Variants in FOCAD observed in about 807,000 individuals in gnomAD.
The protein encoded by FOCAD is KIAA1797.
Under a neutral mutation model 225.6 loss-of-function variants are expected in FOCAD, and 198 were observed. The ratio of observed to expected loss-of-function variants is 0.88; its 90% CI spans 0.78 to 0.99. The LOEUF (loss-of-function observed/expected upper bound fraction) is 0.99. FOCAD is among the 50% of genes least tolerant of loss of function. The pLI, the probability that FOCAD is intolerant of heterozygous loss-of-function variation, is 0.00. For missense variants in FOCAD, 2,713 were observed against 2,123.6 expected (o/e 1.28, Z -5.46); for synonymous variants, 897 against 755.0 (o/e 1.19, Z -3.08).
intron 19 of FOCAD, among the ~76,000 whole-genome samples, chr9:20,877,185 G>T (rs1243649676): frequency 6.6e-6 from 1 of 152,054 alleles, no homozygotes; most frequent in Non-Finnish European, 1.5e-5. Flanking sequence ...AAACTTAAGG[G>T]ATTAGCTATT....
chr9:20,697,266 C>CT (rs1823454799), intron 1 of FOCAD, among the ~76,000 whole-genome samples: 1 of 152,174 alleles, frequency 6.6e-6, no homozygotes, highest in Non-Finnish European at 1.5e-5. Flanking sequence ...GTCTCTTTTT[C>CT]TTTTTTTCTA....
chr9:20,799,640 G>C (rs1223428617), intron 11 of FOCAD, among the ~76,000 whole-genome samples: 1 of 151,648 alleles, frequency 6.6e-6, no homozygotes, highest in African/African-American at 2.4e-5. Flanking sequence ...TTGGTTTAAA[G>C]TCTGTTTTAT....
chr9:20,983,344 C>A (rs796691726), intron 39 of FOCAD, among the ~76,000 whole-genome samples: 2 of 151,978 alleles, frequency 1.3e-5, no homozygotes, highest in Non-Finnish European at 2.9e-5. Flanking sequence ...GAGGCCGAGG[C>A]GGGTGGATCA....
At chr9:20,732,366 G>T (rs2131612479) in intron 4 of FOCAD, among the ~76,000 whole-genome samples, 1 of 152,296 alleles carries the variant, frequency 6.6e-6, no homozygotes, top group Admixed American at 6.5e-5. Context: ...AAGTTGTCTA[G>T]GCAAACAGGA....
chr9:20,839,476 G>T (rs1826303782), intron 15 of FOCAD, among the ~76,000 whole-genome samples: 1 of 151,738 alleles, frequency 6.6e-6, no homozygotes, highest in South Asian at 2.1e-4. Context: ...GCCCAGGCTG[G>T]TTTCAAACTC....
At chr9:20,704,142 T>G (rs982224368) in intron 1 of FOCAD, among the ~76,000 whole-genome samples, 15 of 152,250 alleles carry the variant, frequency 9.9e-5, no homozygotes, top group Non-Finnish European at 2.2e-4. Context: ...ATCTTATTCA[T>G]TTGAACATTT....
intron 4 of FOCAD, among the ~76,000 whole-genome samples, chr9:20,731,345 A>G (rs1001274871): frequency 1.3e-5 from 2 of 152,242 alleles, no homozygotes; most frequent in African/African-American, 4.8e-5. Context: ...CATGAATTTC[A>G]TCTTCCCAGT....
At chr9:20,771,795 C>G (rs772667309) in intron 8 of FOCAD, among the ~76,000 whole-genome samples, 9 of 152,154 alleles carry the variant, frequency 5.9e-5, no homozygotes, top group Admixed American at 4.6e-4. Flanking sequence ...TCTCAAAGTT[C>G]TGAAGGCTGG....
Position 20,986,390 on chromosome 9 carries a change from C to A in FOCAD, c.4831C>A (p.Arg1611Ser). Reference protein sequence around the residue: ...TDMLSVAVQHREKEVLAWMIL... With the variant: ...TDMLSVAVQHSEKEVLAWMIL... ...TATGCTGAGCGTTGCTGTGCAGCAC[C>A]GTGAGAAAGAGGTGTTGGCCTGGAT... Residue 1611 changes from arginine (R) to serine (S), a missense_variant, in exon 40 of 44, where the codon CGT (arginine) becomes AGT (serine). Transcript: ENST00000338382. The A allele has an allele frequency of 6.2e-7, 1 of 1,611,370 alleles. No homozygotes were observed.
chr9:20,872,256 C>T (rs192996131), intron 18 of FOCAD, among the ~76,000 whole-genome samples: 71 of 152,102 alleles, frequency 4.7e-4, no homozygotes, highest in Non-Finnish European at 9.1e-4. Flanking sequence ...TTGCTTTATC[C>T]GCAATCTTTC....
chr9:20,717,335 C>A (rs115383795), intron 2 of FOCAD, among the ~76,000 whole-genome samples: 1,694 of 152,326 alleles, frequency 0.011, 36 homozygotes, highest in African/African-American at 0.038. Context: ...CCAACCCGTA[C>A]ACAGAATGGC....
At chr9:20,740,034 T>A (rs374261584) in intron 4 of FOCAD, among the ~76,000 whole-genome samples, 2 of 152,204 alleles carry the variant, frequency 1.3e-5, no homozygotes, top group East Asian at 1.9e-4. Context: ...GTTGGTGGTT[T>A]GATTCTTTAG....
chr9:20,847,922 A>G (rs1827278481), intron 15 of FOCAD, among the ~76,000 whole-genome samples: 1 of 152,058 alleles, frequency 6.6e-6, no homozygotes, highest in South Asian at 2.1e-4. Context: ...ATTATAGAAA[A>G]ATGATTAAGG....
In FOCAD at chr9:20,946,822, T is replaced by A. The variant is rs769947564; in HGVS notation, c.3675+2T>A. On this transcript the variant is annotated splice_donor_variant, in intron 30 of 43. Transcript: ENST00000338382. LOFTEE classifies it high-confidence loss of function. ...CTGTTAGTGGAGAATAGCCAGCAGG[T>A]TGGAACGTGTGCCCTGATTATTTCT... The A allele has an allele frequency of 6.2e-7, 1 of 1,613,390 alleles. No homozygotes were observed. The highest frequency in any genetic ancestry group is 1.7e-5 in the Admixed American group (1 of 59,992).
At position 20,989,185 on chromosome 9, in the gene FOCAD, A is replaced by G. The variant is rs997008513; in HGVS notation, c.5004+756A>G. Reference sequence around the variant, plus strand: ...GTGAGTCAAATTTGCATAACCTGGGATGTTTTTTGAAGTTCTGCCCAGTTT... The same window carrying G: ...GTGAGTCAAATTTGCATAACCTGGGGTGTTTTTTGAAGTTCTGCCCAGTTT... On this transcript the variant is annotated intron_variant, in intron 41 of 43. Coordinates refer to ENST00000338382, the MANE Select transcript of FOCAD (RefSeq NM_001375567.1). Among the ~76,000 whole-genome samples the G allele has an allele frequency of 5.9e-5, 9 of 152,186 alleles. 1 individual carries two copies. Among genetic ancestry groups the G allele is most frequent in the African/African-American group, 2.2e-4 (9 of 41,510 alleles).
chr9:20,938,085 T>C (rs1485233964), intron 28 of FOCAD, among the ~76,000 whole-genome samples: 1 of 151,902 alleles, frequency 6.6e-6, no homozygotes, highest in Non-Finnish European at 1.5e-5. Flanking sequence ...AAACAACAGG[T>C]GCTAGAGAGG....
In FOCAD at chr9:20,764,879, T is replaced by G. The variant is rs772158546; in HGVS notation, c.505T>G (p.Ser169Ala). ...TTTCATGTCTTATAGGTTAGAAGTT[T>G]CATGCATTCAAATAATGGCACCATT... ...FQQCPERLEV[S>A]CIQIMAPFLW... Residue 169 changes from serine (S) to alanine (A), a missense_variant, in exon 7 of 44, where the codon TCA becomes GCA. Ser to Ala is a moderately conservative substitution (Grantham distance 99). Transcript: ENST00000338382. The G allele has an allele frequency of 2.5e-6, 4 of 1,613,766 alleles. No homozygotes were observed. In the Admixed American group the frequency reaches 6.7e-5, roughly 27 times the overall value.
At chr9:20,674,022 G>A (rs933853252) in intron 2 of FOCAD, among the ~76,000 whole-genome samples, 1 of 152,186 alleles carries the variant, frequency 6.6e-6, no homozygotes, top group African/African-American at 2.4e-5. Context: ...CTACCAGTTT[G>A]GATAAGAAGC....
intron 11 of FOCAD, among the ~76,000 whole-genome samples, chr9:20,812,020 A>G (rs1219934122): frequency 1.3e-5 from 2 of 152,142 alleles, no homozygotes; most frequent in Non-Finnish European, 2.9e-5. Flanking sequence ...TATAGAATTT[A>G]GATCAATTTT....
Sources: allele counts gnomAD v4.1 joint callset (sites outside exome capture counted in the v4.1 genomes callset), GRCh38; gene constraint gnomAD v4.1.1; transcripts MANE v1.5; gene names NCBI Gene and HGNC (gene_info 2026-07-23, HGNC 2026-07-21).